The following KCNQ3 variants were observed in gnomAD, a reference collection of about 807,000 sequenced individuals.
KCNQ3 encodes potassium voltage-gated channel subfamily Q member 3.
Under a neutral mutation model 92.5 loss-of-function variants are expected in KCNQ3, and 30 were observed. That is an observed-to-expected ratio of 0.32 (90% CI 0.24 to 0.44). KCNQ3 has a LOEUF of 0.44. KCNQ3 is among the 20% of genes least tolerant of loss of function. The probability of loss-of-function intolerance (pLI) is 1.00; values close to 1 mark genes in which losing one functional copy is unlikely to be tolerated. For missense variants in KCNQ3, 913 were observed against 1,140.3 expected (o/e 0.80, Z 2.87); for synonymous variants, 450 against 468.8 (o/e 0.96, Z 0.52).
intron 1 of KCNQ3, among the ~76,000 whole-genome samples, chr8:132,288,654 C>T (rs762007841): frequency 2.6e-5 from 4 of 152,164 alleles, no homozygotes; most frequent in Non-Finnish European, 4.4e-5. Flanking sequence ...GCCATTTGTC[C>T]CTACCTCTTT....
chr8:132,342,388 T>C (rs1455828519), intron 1 of KCNQ3, among the ~76,000 whole-genome samples: 4 of 152,052 alleles, frequency 2.6e-5, no homozygotes, highest in African/African-American at 4.8e-5. Context: ...TCCCCAATTC[T>C]CGCCTTCTCA....
chr8:132,282,392 A>G (rs954886608), intron 1 of KCNQ3, among the ~76,000 whole-genome samples: 1 of 152,092 alleles, frequency 6.6e-6, no homozygotes, highest in Non-Finnish European at 1.5e-5. Context: ...ACAGGGGGAG[A>G]GTAGCCCACC....
intron 1 of KCNQ3, among the ~76,000 whole-genome samples, chr8:132,304,630 T>C (rs1817359146): frequency 1.3e-5 from 2 of 152,140 alleles, no homozygotes; most frequent in Admixed American, 1.3e-4. Flanking sequence ...AGTACAAATG[T>C]TCAGTGGCCA....
At chr8:132,433,984 G>A (rs1038387549) in intron 1 of KCNQ3, among the ~76,000 whole-genome samples, 29 of 152,112 alleles carry the variant, frequency 1.9e-4, no homozygotes, top group African/African-American at 6.5e-4. Context: ...CGAGGCGGGC[G>A]GATCACGAGG....
At chr8:132,134,842 G>A (rs1451711538) in intron 12 of KCNQ3, among the ~76,000 whole-genome samples, 1 of 151,924 alleles carries the variant, frequency 6.6e-6, no homozygotes, top group African/African-American at 2.4e-5. Context: ...TCTAGTTAGG[G>A]AGCTTTACAG....
intron 1 of KCNQ3, among the ~76,000 whole-genome samples, chr8:132,363,816 C>G (rs1326918703): frequency 6.6e-6 from 1 of 151,522 alleles, no homozygotes; most frequent in Non-Finnish European, 1.5e-5. Context: ...CTTTCTTTCT[C>G]TCTTTCATAC....
chr8:132,447,239 G>C, intron 1 of KCNQ3: 1 of 1,535,592 alleles, frequency 6.5e-7, no homozygotes, highest in Non-Finnish European at 8.7e-7. Context: ...GGTAATGAAT[G>C]CAAGAACAAG....
At chr8:132,304,691 A>C (rs1817361222) in intron 1 of KCNQ3, among the ~76,000 whole-genome samples, 1 of 152,322 alleles carries the variant, frequency 6.6e-6, no homozygotes, top group South Asian at 2.1e-4. Context: ...AAACATTTTC[A>C]TCATTGCAGA....
chr8:132,433,618 G>A (rs564257834), intron 1 of KCNQ3, among the ~76,000 whole-genome samples: 19 of 152,298 alleles, frequency 1.2e-4, no homozygotes, highest in Non-Finnish European at 2.2e-4. Flanking sequence ...GGCTGGGCAC[G>A]GTGGCTCACA....
In KCNQ3 at chr8:132,480,664, C is replaced by A; in HGVS notation, c.-132G>T. The A allele has an allele frequency of 1.0e-6, 1 of 959,290 alleles. No individual in the cohort carries two copies. Among genetic ancestry groups the A allele is most frequent in the Non-Finnish European group, 1.3e-6 (1 of 792,146 alleles). 59.4% of individuals were successfully genotyped at this position (959,290 alleles called of 1,614,324 possible). A position where few individuals can be genotyped will look rare whatever the true frequency, so the allele number is the denominator to read the frequency against. On this transcript the variant is annotated 5_prime_UTR_variant, in exon 1 of 15. It adds an upstream start codon to the 5' untranslated region. Transcript: ENST00000388996. ...CTCCAATGCCATGATCCGCGCGCCC[C>A]TCCCCACCCCCCCCCAAAAGCAGGC...
intron 1 of KCNQ3, among the ~76,000 whole-genome samples, chr8:132,351,800 A>G (rs971269708): frequency 1.3e-5 from 2 of 152,208 alleles, no homozygotes; most frequent in Non-Finnish European, 2.9e-5. Context: ...CCTGAGAGGC[A>G]CTGGCTATAG....
chr8:132,339,435 AC>A (rs1434903925), intron 1 of KCNQ3, among the ~76,000 whole-genome samples: 1 of 152,158 alleles, frequency 6.6e-6, no homozygotes, highest in Non-Finnish European at 1.5e-5. Context: ...GCTCTTTACC[AC>A]CATGTACCAT....
intron 1 of KCNQ3, among the ~76,000 whole-genome samples, chr8:132,410,343 G>C (rs1330902121): frequency 2.0e-5 from 3 of 152,180 alleles, no homozygotes; most frequent in South Asian, 4.1e-4. Context: ...ATGGGAAGAG[G>C]AAGAAGATAG....
intron 1 of KCNQ3, among the ~76,000 whole-genome samples, chr8:132,186,931 T>TGAGAGAGAGAGA (rs1420781543): frequency 4.3e-4 from 47 of 110,280 alleles, no homozygotes; most frequent in Middle Eastern, 5.6e-3. Context: ...TGTGTGTGTG[T>TGAGAGAGAGAGA]GTGAGAGAGA....
chr8:132,195,175 C>T (rs190826273), intron 1 of KCNQ3, among the ~76,000 whole-genome samples: 6 of 152,278 alleles, frequency 3.9e-5, no homozygotes, highest in East Asian at 3.9e-4. Context: ...CCAAATATGC[C>T]GTGTGCTTAT....
At chr8:132,306,285 C>T (rs1817419788) in intron 1 of KCNQ3, among the ~76,000 whole-genome samples, 1 of 152,190 alleles carries the variant, frequency 6.6e-6, no homozygotes, top group African/African-American at 2.4e-5. Flanking sequence ...TCTCCCAATC[C>T]TGGTAACATT....
At chr8:132,187,202 C>G (rs1563795122) in intron 1 of KCNQ3, 1 of 455,990 alleles carries the variant, frequency 2.2e-6, no homozygotes, top group African/African-American at 2.0e-5. Context: ...TCTACCCATG[C>G]TTTTTTGGCT....
chr8:132,236,385 A>G (rs1285460865), intron 1 of KCNQ3, among the ~76,000 whole-genome samples: 2 of 152,220 alleles, frequency 1.3e-5, no homozygotes, highest in Non-Finnish European at 2.9e-5. Context: ...TGAAGCTCGC[A>G]GGGATTCAAA....
chr8:132,465,874 T>G (rs1401792230), intron 1 of KCNQ3, among the ~76,000 whole-genome samples: 1 of 152,170 alleles, frequency 6.6e-6, no homozygotes, highest in Non-Finnish European at 1.5e-5. Flanking sequence ...ATTGCACCAC[T>G]GGACTCCAGC....
Sources: allele counts gnomAD v4.1 joint callset (sites outside exome capture counted in the v4.1 genomes callset), GRCh38; gene constraint gnomAD v4.1.1; transcripts MANE v1.5; gene names NCBI Gene and HGNC (gene_info 2026-07-23, HGNC 2026-07-21).